The following RAB21 variants were observed in gnomAD, a reference collection of about 807,000 sequenced individuals.
RAB21 encodes ras-related protein Rab-21.
RAB21 carries 13 observed loss-of-function variants against 33.1 expected under a neutral mutation model. That is an observed-to-expected ratio of 0.39 (90% CI 0.26 to 0.62). The LOEUF (loss-of-function observed/expected upper bound fraction) is 0.62, where lower values mean the gene tolerates loss of function less well. Among genes scored for constraint, RAB21 ranks in the 20% least tolerant of loss-of-function variants. The probability of loss-of-function intolerance (pLI) is 0.48; values close to 1 mark genes in which losing one functional copy is unlikely to be tolerated. For synonymous variants in RAB21, 91 were observed against 103.7 expected (o/e 0.88, Z 0.74); for missense variants, 234 against 279.1 (o/e 0.84, Z 1.15).
intron 1 of RAB21, among the ~76,000 whole-genome samples, chr12:71,763,741 T>C (rs1882913643): frequency 6.6e-6 from 1 of 152,202 alleles, no homozygotes; most frequent in African/African-American, 2.4e-5. Context: ...TCCTTGCTAG[T>C]AATACTTTGT....
Position 71,782,578 on chromosome 12 carries a change from A to T in RAB21, c.455A>T (p.Glu152Val), listed in dbSNP as rs748803709. 6.3e-7 allele frequency: 1 copy of T among 1,591,826 alleles called. No homozygotes were observed. The highest frequency in any genetic ancestry group is 1.1e-5 in the South Asian group (1 of 88,178). The change falls in exon 6 of 7, where the codon GAA becomes GTA. Residue 152 changes from glutamate (E) to valine (V), a missense_variant. Transcript: ENST00000261263. ...TGTTACTTTTTTTTAAGGTATGCAG[A>T]ATCTGTGGGAGCAAAACATTATCAT... ...VSIQEAESYAESVGAKHYHTS... is the reference protein window; with the variant it reads ...VSIQEAESYAVSVGAKHYHTS...
chr12:71,763,653 G>GAGATTAGA (rs1378407589), intron 1 of RAB21, among the ~76,000 whole-genome samples: 5 of 152,142 alleles, frequency 3.3e-5, no homozygotes, highest in Non-Finnish European at 5.9e-5. Flanking sequence ...TGAAATAATT[G>GAGATTAGA]AGATTAGAAG....
intron 1 of RAB21, 22 bp downstream of exon 1, chr12:71,755,310 AG>A: frequency 2.0e-6 from 3 of 1,495,470 alleles, no homozygotes; most frequent in East Asian, 2.9e-5. Flanking sequence ...GGGGAGCGGG[AG>A]GGGGCGCCTC....
intron 3 of RAB21, among the ~76,000 whole-genome samples, chr12:71,771,389 A>G (rs1440863125): frequency 6.6e-6 from 1 of 152,204 alleles, no homozygotes; most frequent in Non-Finnish European, 1.5e-5. Flanking sequence ...GAATAATGCC[A>G]AGGAAGAAGC....
rs1883353351 is a variant in RAB21, at chr12:71,789,813, A to G, written c.*4140A>G. On this transcript the variant is annotated 3_prime_UTR_variant, in exon 7 of 7. Transcript: ENST00000261263. The stretch of plus-strand genomic sequence containing the variant: ...CAGAGTAATATATTTGGTGTTCTGG[A>G]CCAAAATTCGTGCTACACATATGTC... 1 of 152,146 alleles carries G rather than the reference A, an allele frequency of 6.6e-6. No homozygotes were observed. Among genetic ancestry groups the G allele is most frequent in the Non-Finnish European group, 1.5e-5 (1 of 67,986 alleles). The allele number at this position is 152,146 out of a possible 1,614,324, so 9.4% of individuals were successfully genotyped here.
chr12:71,776,896 T>G (rs1443191974), intron 4 of RAB21, among the ~76,000 whole-genome samples: 1 of 152,184 alleles, frequency 6.6e-6, no homozygotes, highest in African/African-American at 2.4e-5. Flanking sequence ...TCTACAAGTA[T>G]TTTTGAGTGG....
intron 1 of RAB21, among the ~76,000 whole-genome samples, chr12:71,760,056 T>C (rs1033073179): frequency 2.6e-5 from 4 of 152,218 alleles, no homozygotes; most frequent in Admixed American, 2.0e-4. Context: ...GATGCGGGAT[T>C]TATGTTTTTC....
At chr12:71,781,583 T>C (rs186025563) in intron 4 of RAB21, among the ~76,000 whole-genome samples, 1 of 152,202 alleles carries the variant, frequency 6.6e-6, no homozygotes, top group Non-Finnish European at 1.5e-5. Context: ...CCAAAATACT[T>C]GTAGGATCCA....
intron 3 of RAB21, among the ~76,000 whole-genome samples, 181 bp downstream of exon 3, chr12:71,770,880 CAT>C (rs1421744549): frequency 3.3e-5 from 5 of 152,130 alleles, no homozygotes; most frequent in East Asian, 3.8e-4. Context: ...GTGGTGTACT[CAT>C]ATGTTTAATG....
chr12:71,795,069 A>G lies in RAB21; in HGVS notation c.*9396A>G, dbSNP rs973731472. The G allele has an allele frequency of 3.3e-5, 5 of 152,202 alleles. No homozygotes were observed. The highest frequency in any genetic ancestry group is 3.3e-4 in the Admixed American group (5 of 15,280). 9.4% of individuals were successfully genotyped at this position (152,202 alleles called of 1,614,324 possible). A position where few individuals can be genotyped will look rare whatever the true frequency, so the allele number is the denominator to read the frequency against. On this transcript the variant is annotated 3_prime_UTR_variant, in exon 7 of 7. Coordinates refer to ENST00000261263, the MANE Select transcript of RAB21 (RefSeq NM_014999.4). The stretch of plus-strand genomic sequence containing the variant: ...AAAATTGGGGGGAATTTTCTTAAAT[A>G]TGGAACTAAGAGCTAAAGAGTTCAA...
intron 1 of RAB21, among the ~76,000 whole-genome samples, chr12:71,760,417 G>A (rs1592642432): frequency 6.6e-6 from 1 of 152,118 alleles, no homozygotes; most frequent in East Asian, 1.9e-4. Flanking sequence ...GCTGATTTGA[G>A]GCTTTGATAA....
chr12:71,772,004 G>T (rs1201019296), intron 3 of RAB21, among the ~76,000 whole-genome samples: 1 of 151,816 alleles, frequency 6.6e-6, no homozygotes, highest in Non-Finnish European at 1.5e-5. Context: ...AGTCATTTAG[G>T]TTGAAAGGGA....
intron 6 of RAB21, 77 bp downstream of exon 6, chr12:71,782,735 C>T: frequency 2.2e-6 from 2 of 910,674 alleles, no homozygotes; most frequent in Non-Finnish European, 3.2e-6. Flanking sequence ...GTATTTTACA[C>T]CAGTGTTACT....
In RAB21 at chr12:71,786,318, A is replaced by G. The variant is rs1883291343; in HGVS notation, c.*645A>G. On this transcript the variant is annotated 3_prime_UTR_variant, in exon 7 of 7. Transcript: ENST00000261263. ...TCTTCATTTATATTCTTTCAAATCAAATCTTTATTTAATAACTTATATATG... is the reference window on the plus strand; with the variant it reads ...TCTTCATTTATATTCTTTCAAATCAGATCTTTATTTAATAACTTATATATG... The G allele has an allele frequency of 6.6e-6, 1 of 152,604 alleles. No individual in the cohort carries two copies. The highest frequency in any genetic ancestry group is 2.4e-5 in the African/African-American group (1 of 41,442). The allele number at this position is 152,604 out of a possible 1,614,324, so 9.5% of individuals were successfully genotyped here. A position where few individuals can be genotyped will look rare whatever the true frequency, so the allele number is the denominator to read the frequency against.
intron 4 of RAB21, among the ~76,000 whole-genome samples, chr12:71,778,155 T>C (rs926141628): frequency 7.2e-5 from 11 of 152,214 alleles, no homozygotes; most frequent in Admixed American, 1.3e-4. Flanking sequence ...TAGATCCTTA[T>C]CTAAGTCCCT....
intron 1 of RAB21, among the ~76,000 whole-genome samples, chr12:71,768,945 G>GTGTT (rs1376810559): frequency 6.6e-6 from 1 of 152,184 alleles, no homozygotes; most frequent in African/African-American, 2.4e-5. Flanking sequence ...GTGTGTGTGT[G>GTGTT]TGTCTAAATA....
Position 71,786,101 on chromosome 12 carries a change from C to T in RAB21, c.*428C>T, listed in dbSNP as rs1057063726. On this transcript the variant is annotated 3_prime_UTR_variant, in exon 7 of 7. Transcript: ENST00000261263. ...TATTTTTAGTAGAGACGGGGTTTCA[C>T]CAGGTTAGCCAGGATGGTCTCGATC... The T allele has an allele frequency of 6.5e-6, 1 of 154,536 alleles. No homozygotes were observed. The highest frequency in any genetic ancestry group is 2.4e-5 in the African/African-American group (1 of 41,382). The allele number at this position is 154,536 out of a possible 1,614,324, so 9.6% of individuals were successfully genotyped here.
At position 71,755,332 on chromosome 12, in the gene RAB21, C is replaced by T. The variant is rs1194467364; in HGVS notation, c.159+44C>T. 9 of 1,455,536 alleles carry T rather than the reference C, an allele frequency of 6.2e-6. No individual in the cohort carries two copies. In the South Asian group the frequency reaches 1.3e-4, roughly 20 times the overall value. 90.2% of individuals were successfully genotyped at this position (1,455,536 alleles called of 1,614,324 possible). ...GGGAGGGGGCGCCTCAGGGCCCCTA[C>T]CCCTCCGGGGCTGGGGAAACTTTGC... On this transcript the variant is annotated intron_variant, in intron 1 of 6. Coordinates refer to ENST00000261263, the MANE Select transcript of RAB21 (RefSeq NM_014999.4).
chr12:71,764,237 G>C (rs1312991727), intron 1 of RAB21, among the ~76,000 whole-genome samples: 1 of 152,008 alleles, frequency 6.6e-6, no homozygotes, highest in East Asian at 1.9e-4. Context: ...GGTGTTCTGG[G>C]GAGTGAGTAG....
Sources: allele counts gnomAD v4.1 joint callset (sites outside exome capture counted in the v4.1 genomes callset), GRCh38; gene constraint gnomAD v4.1.1; transcripts MANE v1.5; gene names NCBI Gene and HGNC (gene_info 2026-07-23, HGNC 2026-07-21).